The following BBS2 variants were observed in gnomAD, a reference collection of about 807,000 sequenced individuals.
BBS2 encodes BBSome complex member BBS2.
In BBS2, 62 loss-of-function variants were observed where a neutral mutation model predicts 83.0. That is an observed-to-expected ratio of 0.75 (90% CI 0.61 to 0.92). The LOEUF is 0.92. Ranked by LOEUF, BBS2 falls within the 40% of genes least tolerant of loss-of-function variation. The pLI is 0.00. For missense variants in BBS2, 784 were observed against 901.0 expected, an observed-to-expected ratio of 0.87 and a Z score of 1.66; for synonymous variants, 303 against 326.1, an observed-to-expected ratio of 0.93 and a Z score of 0.76.
chr16:56,515,742 G>A (rs1385094216), intron 1 of BBS2, among the ~76,000 whole-genome samples: 2 of 152,234 alleles, frequency 1.3e-5, no homozygotes, highest in Non-Finnish European at 2.9e-5. Context: ...TGCAGCCACT[G>A]AACACTGCCT....
chr16:56,471,115 G>T (rs1297385254), intron 17 of BBS2, among the ~76,000 whole-genome samples: 4 of 151,938 alleles, frequency 2.6e-5, no homozygotes, highest in African/African-American at 9.7e-5. Flanking sequence ...ACTTTTGGAG[G>T]CGGAGGCAGT....
rs878962682 is a variant in BBS2, at chr16:56,502,458, T to C, written c.941-2A>G. 2 of 1,614,220 alleles carry C rather than the reference T, an allele frequency of 1.2e-6. No homozygotes were observed. The highest frequency in any genetic ancestry group is 2.2e-5 in the South Asian group (2 of 91,086). ...CCGTGCCAGGCAGGTAGCCCCGGAC[T>C]GAACAGAAGGAAAAAACCGCAAGTA... is the stretch of plus-strand genomic sequence containing the variant. On this transcript the variant is annotated splice_acceptor_variant, in intron 8 of 16. Transcript: ENST00000245157. LOFTEE classifies it high-confidence loss of function.
In BBS2 at chr16:56,475,956, T is replaced by C. The variant is rs1963451944; in HGVS notation, c.*1-5261A>G. 4 of 1,217,500 alleles carry C rather than the reference T, an allele frequency of 3.3e-6. No homozygotes were observed. In the South Asian group the frequency reaches 5.9e-5, roughly 18 times the overall value. The allele number at this position is 1,217,500 out of a possible 1,614,324, so 75.4% of individuals were successfully genotyped here. A position where few individuals can be genotyped will look rare whatever the true frequency, so the allele number is the denominator to read the frequency against. Reference sequence around the variant, plus strand: ...CTCTATCCCCAGATTAAGTGCTTGATATGGAAACCATCTGTTCCATGGTTA... The same window carrying C: ...CTCTATCCCCAGATTAAGTGCTTGACATGGAAACCATCTGTTCCATGGTTA... On this transcript the variant is annotated intron_variant, in intron 17 of 17. Transcript: ENST00000682047.
chr16:56,475,626 A>C (rs746111166), intron 17 of BBS2: 30 of 1,453,056 alleles, frequency 2.1e-5, no homozygotes, highest in Non-Finnish European at 2.9e-5. Flanking sequence ...TCATTTTTCA[A>C]AGACCCAATT....
downstream of BBS2, among the ~76,000 whole-genome samples, chr16:56,484,180 G>T (rs1963710289): frequency 6.6e-6 from 1 of 151,428 alleles, no homozygotes; most frequent in African/African-American, 2.4e-5. Context: ...CTAATTTTTT[G>T]TGTTTTTAGT....
At position 56,485,466 on chromosome 16, in the gene BBS2, T is replaced by C. The variant is rs1963749191; in HGVS notation, c.2059+124A>G. ...TGAAACATAAGTGACTGGTGCCAGC[T>C]CTGGAGTGTGAAAGGTATGCTACTT... On this transcript the variant is annotated intron_variant, in intron 16 of 16. Transcript: ENST00000245157. 3.8e-6 allele frequency: 5 copies of C among 1,302,558 alleles called. No individual in the cohort carries two copies. The South Asian group carries it at 6.0e-5, about 16-fold the overall frequency. 80.7% of individuals were successfully genotyped at this position (1,302,558 alleles called of 1,614,324 possible).
chr16:56,503,307 T>A (rs766603699), intron 7 of BBS2, among the ~76,000 whole-genome samples: 2 of 152,188 alleles, frequency 1.3e-5, no homozygotes, highest in Admixed American at 1.3e-4. Flanking sequence ...GAAGTTAACA[T>A]ATATCAACAG....
In BBS2 at chr16:56,502,717, A is replaced by G; in HGVS notation, c.896T>C (p.Met299Thr). The part of the protein sequence containing the change: ...IAGVVEGDYR[M>T]DGHIQLICCS... Reference sequence around the variant, plus strand: ...GCAGATTAACTGTATGTGGCCATCCATCCGGTAATCTCCCTCTACCACACC... The same window carrying G: ...GCAGATTAACTGTATGTGGCCATCCGTCCGGTAATCTCCCTCTACCACACC... Residue 299 changes from methionine (M) to threonine (T), a missense_variant, in exon 8 of 17, where the codon ATG becomes ACG. Coordinates refer to ENST00000245157, the MANE Select transcript of BBS2 (RefSeq NM_031885.5). 1 of 1,614,178 alleles carries G rather than the reference A, an allele frequency of 6.2e-7. No homozygotes were observed. Among genetic ancestry groups the G allele is most frequent in the Non-Finnish European group, 8.5e-7 (1 of 1,180,038 alleles).
chr16:56,483,337 T>C (rs1260681834), downstream of BBS2, among the ~76,000 whole-genome samples: 2 of 152,270 alleles, frequency 1.3e-5, no homozygotes, highest in South Asian at 4.1e-4. Flanking sequence ...TGTCAAATAG[T>C]GTTCCAAGTG....
chr16:56,480,352 C>CCAAAAAA (rs1555519770), downstream of BBS2, among the ~76,000 whole-genome samples: 16 of 76,522 alleles, frequency 2.1e-4, no homozygotes, highest in South Asian at 5.0e-4. Context: ...CACACACACA[C>CCAAAAAA]AAAAAAAAAA....
At chr16:56,480,458 C>G (rs1046281948), downstream of BBS2, among the ~76,000 whole-genome samples, 7 of 151,722 alleles carry the variant, frequency 4.6e-5, no homozygotes, top group Admixed American at 2.6e-4. Context: ...CTCTGTCACC[C>G]AGGCTGGAGT....
At chr16:56,471,038 A>G (rs1963149473) in intron 17 of BBS2, among the ~76,000 whole-genome samples, 1 of 152,114 alleles carries the variant, frequency 6.6e-6, no homozygotes, top group South Asian at 2.1e-4. Context: ...AAAACATTGT[A>G]ATAGGGTTAT....
At chr16:56,504,976 C>A (rs1312528728) in intron 7 of BBS2, among the ~76,000 whole-genome samples, 2 of 152,170 alleles carry the variant, frequency 1.3e-5, no homozygotes, top group Non-Finnish European at 2.9e-5. Context: ...GCCCCTTCCA[C>A]CCTGTAAGGC....
intron 15 of BBS2, 89 bp downstream of exon 15, chr16:56,496,878 A>T: frequency 1.0e-6 from 1 of 982,616 alleles, no homozygotes; most frequent in Middle Eastern, 2.0e-4. Context: ...GTAACAATTT[A>T]TACTTCTATT....
In BBS2 at chr16:56,500,849, G is replaced by A. The variant is rs1567574765; in HGVS notation, c.1397+5C>T. ...TGAAATGAACTGTGACTTGCAAAGGGTCACCTGCTTCTGTAACCCACGAAT... is the reference window on the plus strand; with the variant it reads ...TGAAATGAACTGTGACTTGCAAAGGATCACCTGCTTCTGTAACCCACGAAT... On this transcript the variant is annotated splice_donor_5th_base_variant and intron_variant, in intron 11 of 16. Coordinates refer to ENST00000245157, the MANE Select transcript of BBS2 (RefSeq NM_031885.5). 5 of 1,613,816 alleles carry A rather than the reference G, an allele frequency of 3.1e-6. No individual in the cohort carries two copies. The highest frequency in any genetic ancestry group is 2.2e-5 in the East Asian group (1 of 44,886).
chr16:56,470,508 G>T, exon 18 of BBS2: 1 of 1,612,374 alleles, frequency 6.2e-7, no homozygotes, highest in Non-Finnish European at 8.5e-7. Flanking sequence ...AAGCTGAGGA[G>T]AGTAAGCTTC....
At position 56,513,158 on chromosome 16, in the gene BBS2, CAAA is replaced by C. The variant is rs1228933457; in HGVS notation, c.345+1292_345+1294del. Among the ~76,000 whole-genome samples, 64 of 151,882 alleles carry C rather than the reference CAAA, an allele frequency of 4.2e-4. 1 individual carries two copies. Among genetic ancestry groups the C allele is most frequent in the Non-Finnish European group, 1.5e-5 (1 of 67,946 alleles). ...CAGAGCAAGACTCTGTCTCAGAAAA[CAAA>C]AACAAAAAGAAAGAAAACCATCTGC... On this transcript the variant is annotated intron_variant, in intron 2 of 16. Coordinates refer to ENST00000245157, the MANE Select transcript of BBS2 (RefSeq NM_031885.5).
intron 17 of BBS2, chr16:56,470,770 G>A: frequency 6.3e-7 from 1 of 1,596,690 alleles, no homozygotes; most frequent in Non-Finnish European, 8.5e-7. Flanking sequence ...CCCAGAGCCA[G>A]AGGAAAATGA....
At chr16:56,490,119 C>T (rs539386795) in intron 15 of BBS2, among the ~76,000 whole-genome samples, 1 of 124,896 alleles carries the variant, frequency 8.0e-6, no homozygotes, top group African/African-American at 3.3e-5. Context: ...ATCTCACACA[C>T]ACACACACGC....
Sources: gnomAD v4.1 joint callset for allele counts (sites outside exome capture counted in the v4.1 genomes callset) on GRCh38, gnomAD v4.1.1 for gene constraint, MANE v1.5 for transcripts, NCBI Gene and HGNC (gene_info 2026-07-23, HGNC 2026-07-21) for gene names.